Variants in TRPC4AP observed in about 807,000 individuals in gnomAD.
The protein encoded by TRPC4AP is short transient receptor potential channel 4-associated protein.
Under a neutral mutation model 99.0 loss-of-function variants are expected in TRPC4AP, and 45 were observed. The observed-to-expected ratio is 0.45, with a 90% confidence interval of 0.36 to 0.58. TRPC4AP has a LOEUF of 0.58. Ranked by LOEUF, TRPC4AP falls within the 20% of genes least tolerant of loss-of-function variation. The pLI is 0.00. For synonymous variants in TRPC4AP, 408 were observed against 385.8 expected (o/e 1.06, Z -0.67); for missense variants, 879 against 985.3 (o/e 0.89, Z 1.44).
intron 13 of TRPC4AP, among the ~76,000 whole-genome samples, chr20:35,007,944 T>C (rs1374665620): frequency 1.3e-5 from 2 of 152,034 alleles, no homozygotes; most frequent in African/African-American, 4.8e-5. Context: ...CTCTAGGCCT[T>C]GCCCTTTCAC....
At chr20:35,008,821 G>A (rs76513573) in intron 12 of TRPC4AP, 74 bp from the exon 13 acceptor site, 33 of 1,378,036 alleles carry the variant, frequency 2.4e-5, no homozygotes, top group Non-Finnish European at 3.3e-5. Context: ...CATTCTGCTG[G>A]CTTAGGCGGT....
chr20:35,078,980 C>T (rs576375790), intron 1 of TRPC4AP, among the ~76,000 whole-genome samples: 1 of 152,194 alleles, frequency 6.6e-6, no homozygotes, highest in South Asian at 2.1e-4. Flanking sequence ...GCAGGAGAAC[C>T]GCTTGAACTC....
At chr20:35,040,456 G>A (rs1410171600) in intron 7 of TRPC4AP, among the ~76,000 whole-genome samples, 1 of 152,104 alleles carries the variant, frequency 6.6e-6, no homozygotes, top group African/African-American at 2.4e-5. Context: ...TTTGGCTTTT[G>A]GTCTCTGAGA....
intron 9 of TRPC4AP, among the ~76,000 whole-genome samples, chr20:35,018,533 T>C (rs1410321881): frequency 7.0e-6 from 1 of 142,938 alleles, no homozygotes. Flanking sequence ...GAGGCAGAGG[T>C]TGCAGTGAGC....
intron 3 of TRPC4AP, among the ~76,000 whole-genome samples, chr20:35,068,916 TA>T (rs1432906394): frequency 2.8e-4 from 36 of 127,528 alleles, no homozygotes; most frequent in Admixed American, 2.8e-3. Context: ...GCGGAGAAAA[TA>T]AACTAAGGTG....
At chr20:35,011,345 A>T (rs962091715) in intron 11 of TRPC4AP, among the ~76,000 whole-genome samples, 3 of 152,200 alleles carry the variant, frequency 2.0e-5, no homozygotes, top group Non-Finnish European at 4.4e-5. Context: ...ATGTGCTCAG[A>T]ACACTGACTT....
intron 6 of TRPC4AP, among the ~76,000 whole-genome samples, chr20:35,048,677 G>A (rs1353668149): frequency 2.6e-5 from 4 of 152,116 alleles, no homozygotes; most frequent in Non-Finnish European, 4.4e-5. Flanking sequence ...GGAACACCTC[G>A]CCATTTTGGG....
Position 35,078,041 on chromosome 20 carries a change from G to A in TRPC4AP, c.297+5C>T, listed in dbSNP as rs777759466. On this transcript the variant is annotated splice_donor_5th_base_variant and intron_variant, in intron 2 of 18. Coordinates refer to ENST00000252015, the MANE Select transcript of TRPC4AP (RefSeq NM_015638.3). ...ATACGCCCCTCCAAGGTCCTTAAGA[G>A]TTACCTTGAGGATGTTTTGACACTC... The A allele has an allele frequency of 9.3e-6, 15 of 1,611,632 alleles. No homozygotes were observed. Among genetic ancestry groups the A allele is most frequent in the Non-Finnish European group, 1.3e-5 (15 of 1,178,216 alleles).
In TRPC4AP at chr20:35,058,687, C is replaced by CTTTT. The variant is rs71196781; in HGVS notation, c.415-1120_415-1117dup. 9.2e-3 allele frequency among the ~76,000 whole-genome samples: 1,020 copies of CTTTT among 110,322 alleles called. 38 individuals carry two copies. The highest frequency in any genetic ancestry group is 0.033 in the African/African-American group (929 of 28,218). 72.4% of individuals were successfully genotyped at this position (110,322 alleles called of 152,430 possible). ...TAAATGCCTATATTAAAAGAAAATT[C>CTTTT]TTTTTTTTTTTTTTTTTTTTGAGAC... On this transcript the variant is annotated intron_variant, in intron 3 of 18. Transcript: ENST00000252015.
chr20:35,070,620 C>G (rs6060204), intron 2 of TRPC4AP, among the ~76,000 whole-genome samples: 117,334 of 152,034 alleles, frequency 0.77, 45,637 homozygotes, highest in Middle Eastern at 0.83. Flanking sequence ...CCGTGGTCTC[C>G]ATCTCCTAAC....
chr20:35,075,428 C>A (rs1270889548), intron 2 of TRPC4AP, among the ~76,000 whole-genome samples: 3 of 152,192 alleles, frequency 2.0e-5, no homozygotes, highest in Non-Finnish European at 2.9e-5. Context: ...GCGCTTCCTT[C>A]AGGAGCTCTT....
In TRPC4AP at chr20:35,005,868, G is replaced by A; in HGVS notation, c.1828-65C>T. ...GGCCAGGTATGGCCATGGCCCGGGG[G>A]GATAGTCACTACAAGGGGCATCAGC... is the stretch of plus-strand genomic sequence containing the variant. On this transcript the variant is annotated intron_variant, in intron 15 of 18. Coordinates refer to ENST00000252015, the MANE Select transcript of TRPC4AP (RefSeq NM_015638.3). The A allele has an allele frequency of 2.7e-6, 4 of 1,467,320 alleles. No homozygotes were observed. The South Asian group carries it at 4.6e-5, about 17-fold the overall frequency. 90.9% of individuals were successfully genotyped at this position (1,467,320 alleles called of 1,614,324 possible). A position where few individuals can be genotyped will look rare whatever the true frequency, so the allele number is the denominator to read the frequency against.
chr20:35,074,445 G>A (rs1460571973), intron 2 of TRPC4AP, among the ~76,000 whole-genome samples: 1 of 152,164 alleles, frequency 6.6e-6, no homozygotes, highest in Non-Finnish European at 1.5e-5. Flanking sequence ...CTTTAAATGT[G>A]TCCCAGAGAT....
At chr20:35,086,535 G>GTATATATATATA (rs1569158044) in intron 1 of TRPC4AP, among the ~76,000 whole-genome samples, 1 of 17,754 alleles carries the variant, frequency 5.6e-5, no homozygotes. Context: ...ATGTGTGTGT[G>GTATATATATATA]TGTGTGTGTG....
intron 5 of TRPC4AP, among the ~76,000 whole-genome samples, chr20:35,050,477 G>A (rs962922490): frequency 1.3e-5 from 2 of 152,098 alleles, no homozygotes; most frequent in Admixed American, 1.3e-4. Context: ...CACTTTGGGA[G>A]GCCAAGGTGG....
chr20:35,031,480 C>T (rs2083194596), intron 8 of TRPC4AP, among the ~76,000 whole-genome samples: 2 of 149,318 alleles, frequency 1.3e-5, no homozygotes, highest in South Asian at 2.1e-4. Flanking sequence ...AAGCAATCCA[C>T]CCTTCTTGGC....
At position 35,077,726 on chromosome 20, in the gene TRPC4AP, C is replaced by A. The variant is rs533484980; in HGVS notation, c.297+320G>T. 2.0e-5 allele frequency among the ~76,000 whole-genome samples: 3 copies of A among 152,250 alleles called. No individual in the cohort carries two copies. In the South Asian group the frequency reaches 6.2e-4, roughly 32 times the overall value. On this transcript the variant is annotated intron_variant, in intron 2 of 18. Coordinates refer to ENST00000252015, the MANE Select transcript of TRPC4AP (RefSeq NM_015638.3). ...CTTCAGCAGTATGTAATCTTCTAAACCCTTTTCAAAAAGAATGTCATCCCA... is the reference window on the plus strand; with the variant it reads ...CTTCAGCAGTATGTAATCTTCTAAAACCTTTTCAAAAAGAATGTCATCCCA...
In TRPC4AP at chr20:35,078,047, T is replaced by C. The variant is rs746817941; in HGVS notation, c.296A>G (p.Lys99Arg). The C allele has an allele frequency of 2.5e-6, 4 of 1,612,358 alleles. No homozygotes were observed. The highest frequency in any genetic ancestry group is 1.7e-6 in the Non-Finnish European group (2 of 1,178,780). Residue 99 changes from lysine (K) to arginine (R), a missense_variant and splice_region_variant, in exon 2 of 19, where the codon AAG becomes AGG. Around this residue, in one of 3 missense-constraint regions of TRPC4AP, gnomAD observed 603 missense variants for 631.8 expected, o/e 0.95. Coordinates refer to ENST00000252015, the MANE Select transcript of TRPC4AP (RefSeq NM_015638.3). ...SDFVECQNIL[K>R]EISPLLSMEA... ...CCCTCCAAGGTCCTTAAGAGTTACC[T>C]TGAGGATGTTTTGACACTCAACAAA...
At chr20:35,020,083 CT>C (rs1246085859) in intron 9 of TRPC4AP, among the ~76,000 whole-genome samples, 3 of 152,204 alleles carry the variant, frequency 2.0e-5, no homozygotes, top group African/African-American at 7.2e-5. Context: ...TCTCCTCACT[CT>C]TAAGTTCACA....
Sources: gnomAD v4.1 joint callset for allele counts (sites outside exome capture counted in the v4.1 genomes callset) on GRCh38, gnomAD v4.1.1 for gene constraint, gnomAD v4.1.1 regional missense constraint, MANE v1.5 for transcripts, NCBI Gene and HGNC (gene_info 2026-07-23, HGNC 2026-07-21) for gene names.